The following MECOM variants were observed in gnomAD, a reference collection of about 807,000 sequenced individuals.
MECOM encodes histone-lysine N-methyltransferase MECOM.
A neutral mutation model predicts 116.3 loss-of-function variants in MECOM; 13 were observed. The observed-to-expected ratio is 0.11, with a 90% CI of 0.07 to 0.18. MECOM has a LOEUF of 0.18. MECOM is among the 10% of genes least tolerant of loss of function. MECOM has a pLI of 1.00. For missense variants in MECOM, 1,299 were observed against 1,509.0 expected (o/e 0.86, Z 2.31); for synonymous variants, 528 against 535.2 (o/e 0.99, Z 0.19).
At chr3:169,663,227 G>C (rs1776563237) in intron 1 of MECOM, 109 bp downstream of exon 1, 5 of 1,329,118 alleles carry the variant, frequency 3.8e-6, no homozygotes. Context: ...CCTCCACCCG[G>C]GGCCCCGGCG....
At chr3:169,160,172 A>G (rs913064754) in intron 2 of MECOM, among the ~76,000 whole-genome samples, 2 of 152,184 alleles carry the variant, frequency 1.3e-5, no homozygotes, top group African/African-American at 4.8e-5. Context: ...ATGGAAACAT[A>G]TAGAGCCAGA....
intron 1 of MECOM, among the ~76,000 whole-genome samples, chr3:169,476,514 G>A (rs1750403320): frequency 6.6e-6 from 1 of 152,106 alleles, no homozygotes; most frequent in African/African-American, 2.4e-5. Context: ...CACATTCAGC[G>A]GCAGGGGCAC....
intron 1 of MECOM, among the ~76,000 whole-genome samples, chr3:169,637,014 G>A (rs1164879842): frequency 6.6e-6 from 1 of 152,134 alleles, no homozygotes; most frequent in East Asian, 1.9e-4. Flanking sequence ...GTTGGCCCTG[G>A]GACTCGCATT....
chr3:169,160,644 T>C (rs1742706813), intron 2 of MECOM, among the ~76,000 whole-genome samples: 1 of 150,536 alleles, frequency 6.6e-6, no homozygotes, highest in Non-Finnish European at 1.5e-5. Context: ...TAAAATAATA[T>C]ATTGTACATT....
At chr3:169,534,418 T>C (rs1305096914) in intron 1 of MECOM, among the ~76,000 whole-genome samples, 1 of 152,206 alleles carries the variant, frequency 6.6e-6, no homozygotes, top group African/African-American at 2.4e-5. Flanking sequence ...CCAGGACAGT[T>C]CCTGTTTACG....
At chr3:169,277,365 A>C (rs1449540493) in intron 2 of MECOM, among the ~76,000 whole-genome samples, 1 of 152,232 alleles carries the variant, frequency 6.6e-6, no homozygotes, top group African/African-American at 2.4e-5. Flanking sequence ...AGAGAGAAAA[A>C]ACAAAGTCGA....
At chr3:169,516,044 C>T (rs964465316) in intron 1 of MECOM, among the ~76,000 whole-genome samples, 27 of 151,976 alleles carry the variant, frequency 1.8e-4, no homozygotes, top group Non-Finnish European at 3.2e-4. Flanking sequence ...AACACTATGA[C>T]TAGTCAAATA....
chr3:169,631,354 A>T (rs889623674), intron 1 of MECOM, among the ~76,000 whole-genome samples: 1 of 152,264 alleles, frequency 6.6e-6, no homozygotes, highest in African/African-American at 2.4e-5. Flanking sequence ...AGGGAATCAT[A>T]AAAAGAGAGA....
At chr3:169,594,154 C>CAAAAAAAAAAAAAAAAAAAAAAA (rs34331048) in intron 1 of MECOM, among the ~76,000 whole-genome samples, 4 of 45,726 alleles carry the variant, frequency 8.7e-5, no homozygotes, top group Admixed American at 2.1e-4. Context: ...ACCACCACCA[C>CAAAAAAAAAAAAAAAAAAAAAAA]AAAAAAAAAA....
At chr3:169,586,213 A>G (rs1024441074) in intron 1 of MECOM, among the ~76,000 whole-genome samples, 2 of 152,252 alleles carry the variant, frequency 1.3e-5, no homozygotes, top group African/African-American at 4.8e-5. Flanking sequence ...CCCATAGGGG[A>G]AACACATAAA....
intron 1 of MECOM, among the ~76,000 whole-genome samples, chr3:169,435,528 T>C (rs1163561965): frequency 6.6e-6 from 1 of 152,132 alleles, no homozygotes. Context: ...ACATATGTTT[T>C]CTCCAAAATA....
In MECOM at chr3:169,090,482, C is replaced by T. The variant is rs554674353; in HGVS notation, c.3165-246G>A. Among the ~76,000 whole-genome samples, 6 of 152,104 alleles carry T rather than the reference C, an allele frequency of 3.9e-5. No individual in the cohort carries two copies. In the East Asian group the frequency reaches 1.2e-3, roughly 29 times the overall value. On this transcript the variant is annotated intron_variant, in intron 14 of 16. Coordinates refer to ENST00000651503, the MANE Select transcript of MECOM (RefSeq NM_004991.4). ...GAAGCCTCTGGCAGAACCCGAAAAA[C>T]AATCTTGGTCTCCCATTTCTTATCA...
chr3:169,237,656 A>C (rs767938516), intron 2 of MECOM, among the ~76,000 whole-genome samples: 3 of 151,242 alleles, frequency 2.0e-5, no homozygotes, highest in Non-Finnish European at 4.4e-5. Context: ...ACTGTTGTTA[A>C]ATGAACATAT....
At chr3:169,419,939 G>T (rs576364085) in intron 1 of MECOM, among the ~76,000 whole-genome samples, 2 of 152,248 alleles carry the variant, frequency 1.3e-5, no homozygotes, top group Non-Finnish European at 2.9e-5. Flanking sequence ...CCATCAAAAA[G>T]TGGGCAAAGG....
chr3:169,445,373 A>G (rs1744444715), intron 1 of MECOM, among the ~76,000 whole-genome samples: 2 of 152,174 alleles, frequency 1.3e-5, no homozygotes. Flanking sequence ...ACAAACATAG[A>G]GCTTGGGCTG....
chr3:169,168,020 C>T (rs1743861727), intron 2 of MECOM, among the ~76,000 whole-genome samples: 1 of 152,028 alleles, frequency 6.6e-6, no homozygotes, highest in Admixed American at 6.6e-5. Flanking sequence ...CACATGTAAA[C>T]ATGGCCTGGG....
intron 2 of MECOM, chr3:169,146,463 G>T: frequency 7.2e-7 from 1 of 1,385,556 alleles, no homozygotes; most frequent in Non-Finnish European, 9.6e-7. Context: ...CGACAAGCCG[G>T]CAGAGAAACC....
intron 1 of MECOM, among the ~76,000 whole-genome samples, chr3:169,626,234 C>G (rs201332571): frequency 1.3e-5 from 2 of 152,316 alleles, no homozygotes; most frequent in East Asian, 3.9e-4. Flanking sequence ...CCTCCTAAAC[C>G]TGAAGACCCA....
intron 3 of MECOM, among the ~76,000 whole-genome samples, chr3:169,141,005 AT>A (rs1737936279): frequency 6.6e-6 from 1 of 152,072 alleles, no homozygotes; most frequent in South Asian, 2.1e-4. Context: ...TTTCTTTAAT[AT>A]GGCTCCTCCA....
Sources: gnomAD v4.1 joint callset for allele counts (sites outside exome capture counted in the v4.1 genomes callset) on GRCh38, gnomAD v4.1.1 for gene constraint, MANE v1.5 for transcripts, NCBI Gene and HGNC (gene_info 2026-07-23, HGNC 2026-07-21) for gene names.